DEAF1: variants seen among roughly 807,000 people sequenced by gnomAD.
DEAF1 encodes deformed epidermal autoregulatory factor 1 homolog.
DEAF1 carries 53 observed loss-of-function variants against 58.9 expected under a neutral mutation model. The observed-to-expected ratio is 0.90, with a 90% CI of 0.72 to 1.13. DEAF1 has a LOEUF of 1.13. DEAF1 is among the 50% of genes most tolerant of loss of function. The pLI, the probability that DEAF1 is intolerant of heterozygous loss-of-function variation, is 0.00. For synonymous variants in DEAF1, 385 were observed against 340.4 expected (o/e 1.13, Z -1.44); for missense variants, 685 against 791.4 (o/e 0.87, Z 1.61).
chr11:644,555 C>G lies in DEAF1; in HGVS notation c.1693G>C (p.Val565Leu), dbSNP rs769130155. Residue 565 changes from valine to leucine, a missense_variant, in exon 12 of 12, where the codon GTG (valine) becomes CTG (leucine). Around this residue, in one of 3 missense-constraint regions of DEAF1, gnomAD observed 343 missense variants for 379.8 expected, o/e 0.90. Coordinates refer to ENST00000382409, the MANE Select transcript of DEAF1 (RefSeq NM_021008.4). The surrounding 1 kb of genome is among the most constrained non-coding windows in gnomAD (Gnocchi z 4.3). The part of the protein sequence containing the change: ...VAESVMEKVT[V>L] ...CCAGGGCGGCCGATGGAGCCTCACA[C>G]GGTCACCTTCTCCATCACGCTTTCA... 1.9e-6 allele frequency: 3 copies of G among 1,612,408 alleles called. No individual in the cohort carries two copies. The highest frequency in any genetic ancestry group is 2.5e-6 in the Non-Finnish European group (3 of 1,179,786).
intron 5 of DEAF1, among the ~76,000 whole-genome samples, chr11:686,062 C>A (rs1419953361): frequency 1.3e-5 from 2 of 150,956 alleles, no homozygotes; most frequent in Non-Finnish European, 2.9e-5. Context: ...GCAGGCAGAT[C>A]ACCTGAGGTC....
In DEAF1 at chr11:674,898, A is replaced by G. The variant is rs1340959486; in HGVS notation, c.1256-115T>C. 4.2e-6 allele frequency: 6 copies of G among 1,425,934 alleles called. No individual in the cohort carries two copies. In the East Asian group the frequency reaches 1.4e-4, roughly 33 times the overall value. The allele number at this position is 1,425,934 out of a possible 1,614,324, so 88.3% of individuals were successfully genotyped here. ...GGTGGCTCACGCCTGTAATCCCAGC[A>G]CTTTGGGAGGCCAAGGCAGGCGGAT... On this transcript the variant is annotated intron_variant, in intron 9 of 11. Transcript: ENST00000382409.
At chr11:665,408 A>G (rs1200229305) in intron 10 of DEAF1, among the ~76,000 whole-genome samples, 1 of 152,184 alleles carries the variant, frequency 6.6e-6, no homozygotes, top group Middle Eastern at 3.2e-3. Context: ...AGCTTTAGAG[A>G]AAGGGAACAC....
At position 674,719 on chromosome 11, in the gene DEAF1, C is replaced by A. The variant is rs187523180; in HGVS notation, c.1320G>T (p.Ala440=). The A allele has an allele frequency of 1.2e-6, 2 of 1,613,894 alleles. No homozygotes were observed. The highest frequency in any genetic ancestry group is 1.7e-6 in the Non-Finnish European group (2 of 1,180,038). ...CTGACAGCTCCAGCCCATTGACCAA[C>A]GCGGGAGGTGCCGCTTTGGTGGGAG... The part of the protein sequence containing the change: ...PPTPTKAAPP[A]LVNGLELSEP... Residue 440 remains alanine (A), a synonymous_variant, in exon 10 of 12, where the codon GCG becomes GCT. Coordinates refer to ENST00000382409, the MANE Select transcript of DEAF1 (RefSeq NM_021008.4).
intron 10 of DEAF1, chr11:666,251 A>C (rs1317177189): frequency 6.6e-6 from 1 of 152,266 alleles, no homozygotes; most frequent in Non-Finnish European, 1.5e-5. Context: ...TGCGAGAACA[A>C]AGCCCAACAC....
In DEAF1 at chr11:694,974, ACAGCGGCCGCGGCCGCCACCGCCGCCG is replaced by A. The variant is rs2133439884; in HGVS notation, c.47_73del (p.Ala16_Ala24del). Reference sequence around the variant, plus strand: ...TGCCGCGGCCGCGGCCGCCGCCGCCACAGCGGCCGCGGCCGCCACCGCCGCCGCCTCAGCCAGGCCCAGCTGCTTTGC... The same window carrying A: ...TGCCGCGGCCGCGGCCGCCGCCGCCACCTCAGCCAGGCCCAGCTGCTTTGC... On this transcript the variant is annotated inframe_deletion, in exon 1 of 12. Coordinates refer to ENST00000382409, the MANE Select transcript of DEAF1 (RefSeq NM_021008.4). 3 of 967,048 alleles carry A rather than the reference ACAGCGGCCGCGGCCGCCACCGCCGCCG, an allele frequency of 3.1e-6. 1 individual carries two copies. The highest frequency in any genetic ancestry group is 7.3e-5 in the East Asian group (1 of 13,632). 59.9% of individuals were successfully genotyped at this position (967,048 alleles called of 1,614,324 possible). A position where few individuals can be genotyped will look rare whatever the true frequency, so the allele number is the denominator to read the frequency against.
chr11:660,117 G>A (rs1240097231), intron 10 of DEAF1, among the ~76,000 whole-genome samples: 1 of 152,212 alleles, frequency 6.6e-6, no homozygotes, highest in Non-Finnish European at 1.5e-5. Context: ...CAGCTTAAAA[G>A]TAAGAGAAAT....
At chr11:667,369 G>GAGGAAGGA (rs1214803701) in intron 10 of DEAF1, among the ~76,000 whole-genome samples, 3 of 123,886 alleles carry the variant, frequency 2.4e-5, no homozygotes, top group Admixed American at 7.9e-5. Context: ...GGGAGGGAGG[G>GAGGAAGGA]AGGAAGGAAG....
In DEAF1 at chr11:691,517, A is replaced by G. The variant is rs769877185; in HGVS notation, c.371T>C (p.Ile124Thr). The G allele has an allele frequency of 6.2e-7, 1 of 1,613,142 alleles. No individual in the cohort carries two copies. The highest frequency in any genetic ancestry group is 2.2e-5 in the East Asian group (1 of 44,886). ...GCAGCTTACCAGAACATGTCCTGAG[A>G]TGGATGCCGCGTTCGCCACAGACGT... ...FTTSVANAASISGHVLSGRTA... is the reference protein window; with the variant it reads ...FTTSVANAASTSGHVLSGRTA... The change falls in exon 2 of 12, where the codon ATC becomes ACC. Residue 124 changes from isoleucine (I) to threonine (T), a missense_variant. This residue lies in a region of DEAF1 where 132 missense variants were observed against 234.3 expected (regional missense o/e 0.56). Coordinates refer to ENST00000382409, the MANE Select transcript of DEAF1 (RefSeq NM_021008.4).
At chr11:655,213 G>A (rs547891163) in intron 10 of DEAF1, among the ~76,000 whole-genome samples, 16 of 152,298 alleles carry the variant, frequency 1.1e-4, no homozygotes, top group Admixed American at 7.2e-4. Flanking sequence ...CAGCCTGGGC[G>A]CACCGTGGCA....
chr11:687,403 C>T (rs1324658552), intron 4 of DEAF1, among the ~76,000 whole-genome samples: 1 of 152,260 alleles, frequency 6.6e-6, no homozygotes, highest in African/African-American at 2.4e-5. Context: ...CCAGATGGTT[C>T]CTGGGCGCAG....
intron 9 of DEAF1, among the ~76,000 whole-genome samples, chr11:675,599 G>A (rs1327705484): frequency 6.6e-6 from 1 of 152,206 alleles, no homozygotes; most frequent in Non-Finnish European, 1.5e-5. Context: ...GAGGCGGGCA[G>A]ATCCCTTGAG....
chr11:687,802 T>C (rs1860661963), intron 4 of DEAF1, 109 bp downstream of exon 4: 1 of 1,488,818 alleles, frequency 6.7e-7, no homozygotes. Flanking sequence ...AGCCCTGTCT[T>C]CTTAACTAGT....
At chr11:699,218 ATTTT>A, upstream of DEAF1, 1 of 415,680 alleles carries the variant, frequency 2.4e-6, no homozygotes, top group East Asian at 4.0e-5. Flanking sequence ...ATTTTATTTT[ATTTT>A]TGTTTGTTTA....
At position 688,176 on chromosome 11, in the gene DEAF1, G is replaced by C. The variant is rs934946854; in HGVS notation, c.518-119C>G. ...TCCTTCAACGGCGGAAAAACTTCTT[G>C]GTCAGGAAAATTCCAATGCTTTTAC... is the stretch of plus-strand genomic sequence containing the variant. On this transcript the variant is annotated intron_variant, in intron 3 of 11. Transcript: ENST00000382409. This position sits in a 1 kb window ranked among gnomAD's most constrained non-coding sequence, Gnocchi z 4.3. 73 of 1,538,820 alleles carry C rather than the reference G, an allele frequency of 4.7e-5. No homozygotes were observed. Among genetic ancestry groups the C allele is most frequent in the Non-Finnish European group, 6.1e-5 (69 of 1,130,510 alleles).
intron 2 of DEAF1, among the ~76,000 whole-genome samples, chr11:689,181 A>G (rs1010619626): frequency 6.6e-6 from 1 of 150,406 alleles, no homozygotes; most frequent in African/African-American, 2.4e-5. Context: ...TGAGAAAACA[A>G]CTGTTTCTTT....
At chr11:668,531 G>A (rs1368672117) in intron 10 of DEAF1, among the ~76,000 whole-genome samples, 3 of 152,138 alleles carry the variant, frequency 2.0e-5, no homozygotes, top group East Asian at 3.9e-4. Flanking sequence ...GCTAATGAAG[G>A]AAACATTTTG....
intron 9 of DEAF1, among the ~76,000 whole-genome samples, chr11:675,769 G>A (rs1331274405): frequency 2.6e-5 from 4 of 152,062 alleles, no homozygotes; most frequent in East Asian, 3.8e-4. Flanking sequence ...GTGGTGAGCC[G>A]AGATGGTGCC....
rs1414368609 is a variant in DEAF1 at position 688,101 on chromosome 11, G to A, written c.518-44C>T. 2 of 1,612,100 alleles carry A rather than the reference G, an allele frequency of 1.2e-6. No homozygotes were observed. Among genetic ancestry groups the A allele is most frequent in the South Asian group, 1.1e-5 (1 of 90,898 alleles). On this transcript the variant is annotated intron_variant, in intron 3 of 11. Transcript: ENST00000382409. This position sits in a 1 kb window ranked among gnomAD's most constrained non-coding sequence, Gnocchi z 4.3. The stretch of plus-strand genomic sequence containing the variant: ...TTGAAGGTGAGAGGCCGGACACCGG[G>A]AAGCATAGTACACTCTCATCTCAGA...
Sources: gnomAD v4.1 joint callset for allele counts (sites outside exome capture counted in the v4.1 genomes callset) on GRCh38, gnomAD v4.1.1 for gene constraint, gnomAD v4.1.1 regional missense constraint, Gnocchi (gnomAD v3.1) non-coding constraint, MANE v1.5 for transcripts, NCBI Gene and HGNC (gene_info 2026-07-23, HGNC 2026-07-21) for gene names.